ZNF782: variants seen among roughly 807,000 people sequenced by gnomAD.
ZNF782 encodes zinc finger protein 782.
ZNF782 carries 12 observed loss-of-function variants against 13.0 expected under a neutral mutation model. The observed-to-expected ratio is 0.92, with a 90% confidence interval of 0.59 to 1.50. The LOEUF is 1.50. Among genes scored for constraint, ZNF782 ranks in the 40% most tolerant of loss-of-function variants. The pLI is 0.00. For missense variants in ZNF782, 770 were observed against 822.9 expected, an observed-to-expected ratio of 0.94 and a Z score of 0.79; for synonymous variants, 284 against 283.0, an observed-to-expected ratio of 1.00 and a Z score of -0.04.
At chr9:96,888,513 A>C in the ZNF782 span, 1 of 152,252 alleles carries the variant, frequency 6.6e-6, no homozygotes, top group African/African-American at 2.4e-5. Flanking sequence ...AAGTTATAAT[A>C]ATCAAAAAAT....
chr9:96,918,757 T>C, the ZNF782 span: 1 of 162,396 alleles, frequency 6.2e-6, no homozygotes, highest in Non-Finnish European at 1.3e-5. Flanking sequence ...TTCAAACTTG[T>C]GTGCCGAGGA....
chr9:96,880,089 G>C (rs1259429531), upstream of ZNF782, among the ~76,000 whole-genome samples: 1 of 151,240 alleles, frequency 6.6e-6, no homozygotes, highest in African/African-American at 2.4e-5. Context: ...GTTTCCAATT[G>C]TTTTTGGCTA....
chr9:96,833,052 ATTC>A (rs754093567), intron 4 of ZNF782, among the ~76,000 whole-genome samples: 10 of 152,136 alleles, frequency 6.6e-5, no homozygotes, highest in Non-Finnish European at 1.0e-4. Flanking sequence ...AAGTTCAGCA[ATTC>A]TTCTCTCCGT....
At chr9:96,878,030 T>G (rs1041854997), upstream of ZNF782, among the ~76,000 whole-genome samples, 1 of 152,174 alleles carries the variant, frequency 6.6e-6, no homozygotes, top group Non-Finnish European at 1.5e-5. Context: ...AACTTGTTAT[T>G]TTATTCTCCT....
the ZNF782 span, among the ~76,000 whole-genome samples, chr9:96,912,448 C>T: frequency 1.3e-5 from 2 of 148,648 alleles, no homozygotes; most frequent in African/African-American, 2.5e-5. Context: ...GAGCCGAGAT[C>T]GTGCCACTGC....
the ZNF782 span, among the ~76,000 whole-genome samples, chr9:96,906,097 C>T: frequency 2.0e-5 from 3 of 152,350 alleles, no homozygotes; most frequent in South Asian, 2.1e-4. Context: ...AGTATGGTGG[C>T]GCCTCAAAAA....
chr9:96,932,741 C>T, the ZNF782 span, among the ~76,000 whole-genome samples: 1 of 151,778 alleles, frequency 6.6e-6, no homozygotes, highest in African/African-American at 2.4e-5. Context: ...CAACCTCCGC[C>T]TCCTGGGTTC....
At chr9:96,886,077 G>A in the ZNF782 span, among the ~76,000 whole-genome samples, 1 of 151,984 alleles carries the variant, frequency 6.6e-6, no homozygotes, top group Admixed American at 6.6e-5. Flanking sequence ...TGAACTCCTG[G>A]GCTCAAGTGA....
intron 3 of ZNF782, among the ~76,000 whole-genome samples, chr9:96,846,633 C>T (rs912361193): frequency 1.3e-5 from 2 of 152,072 alleles, no homozygotes; most frequent in Non-Finnish European, 2.9e-5. Context: ...ATCAATCCAA[C>T]AAGAAGATAT....
At chr9:96,854,579 C>A (rs1851610525), upstream of ZNF782, 1 of 152,306 alleles carries the variant, frequency 6.6e-6, no homozygotes, top group Non-Finnish European at 1.5e-5. Flanking sequence ...GAACCAGACT[C>A]ATTCAGGACT....
chr9:96,917,577 G>A, the ZNF782 span, among the ~76,000 whole-genome samples: 5 of 151,506 alleles, frequency 3.3e-5, no homozygotes, highest in South Asian at 6.3e-4. Flanking sequence ...GATTACAGGC[G>A]CCCACCACCA....
the ZNF782 span, among the ~76,000 whole-genome samples, chr9:96,902,421 CAA>C: frequency 2.8e-5 from 2 of 70,208 alleles, no homozygotes; most frequent in Non-Finnish European, 4.2e-5. Context: ...ATCTCCATCT[CAA>C]AAAAAAAAAA....
chr9:96,885,663 C>G, the ZNF782 span, among the ~76,000 whole-genome samples: 1 of 151,720 alleles, frequency 6.6e-6, no homozygotes, highest in Non-Finnish European at 1.5e-5. Context: ...CATGGTAAGC[C>G]CAAAGACATT....
the ZNF782 span, among the ~76,000 whole-genome samples, chr9:96,906,247 A>T: frequency 2.0e-4 from 30 of 151,520 alleles, no homozygotes; most frequent in Non-Finnish European, 3.2e-4. Context: ...AGAGTACTTC[A>T]GACACCAGAC....
chr9:96,834,318 C>T (rs893387923), intron 4 of ZNF782, among the ~76,000 whole-genome samples: 3 of 152,174 alleles, frequency 2.0e-5, no homozygotes, highest in Admixed American at 2.0e-4. Context: ...TCTCCTGCTG[C>T]CCTGTGAAGA....
the ZNF782 span, chr9:96,892,113 A>G: frequency 1.1e-4 from 16 of 152,192 alleles, no homozygotes; most frequent in African/African-American, 3.4e-4. Flanking sequence ...TTCTGAGCAG[A>G]ACTACTCTGC....
upstream of ZNF782, among the ~76,000 whole-genome samples, chr9:96,857,741 AT>A (rs1851661861): frequency 6.6e-6 from 1 of 152,098 alleles, no homozygotes; most frequent in Non-Finnish European, 1.5e-5. Flanking sequence ...ATTTTTCAAT[AT>A]TTTTTTGCTC....
chr9:96,833,870 A>G (rs977873910), intron 4 of ZNF782, among the ~76,000 whole-genome samples: 1 of 152,152 alleles, frequency 6.6e-6, no homozygotes, highest in Non-Finnish European at 1.5e-5. Context: ...ACTTTGGGTT[A>G]TGAACCAATA....
intron 4 of ZNF782, among the ~76,000 whole-genome samples, chr9:96,842,044 T>C (rs1315281798): frequency 6.6e-6 from 1 of 151,982 alleles, no homozygotes; most frequent in Non-Finnish European, 1.5e-5. Context: ...ATTACATTTC[T>C]ATAAACTAGC....
Sources: gnomAD v4.1 joint callset for allele counts (sites outside exome capture counted in the v4.1 genomes callset) on GRCh38, gnomAD v4.1.1 for gene constraint, MANE v1.5 for transcripts, NCBI Gene and HGNC (gene_info 2026-07-23, HGNC 2026-07-21) for gene names.